The following TOMM7 variants were observed in gnomAD, a reference collection of about 807,000 sequenced individuals.
TOMM7 encodes translocase of outer mitochondrial membrane 7, also known as mitochondrial import receptor subunit TOM7 homolog.
TOMM7 carries 8 observed loss-of-function variants against 9.5 expected under a neutral mutation model. The observed-to-expected ratio is 0.84, with a 90% CI of 0.49 to 1.51. The LOEUF (loss-of-function observed/expected upper bound fraction) is 1.51. TOMM7 is among the 40% of genes most tolerant of loss of function. The pLI is 0.00. For synonymous variants in TOMM7, 27 were observed against 21.4 expected (o/e 1.26, Z -0.72); for missense variants, 74 against 63.7 (o/e 1.16, Z -0.55).
At chr7:22,815,942 T>A (rs1172411492) in intron 2 of TOMM7, among the ~76,000 whole-genome samples, 1 of 152,152 alleles carries the variant, frequency 6.6e-6, no homozygotes, top group Non-Finnish European at 1.5e-5. Flanking sequence ...AGAAGCAGAT[T>A]TCCATCCAGT....
intron 1 of TOMM7, among the ~76,000 whole-genome samples, chr7:22,820,941 T>C (rs190914418): frequency 1.3e-5 from 2 of 149,696 alleles, no homozygotes; most frequent in Admixed American, 6.6e-5. Context: ...CTTTATCTTA[T>C]ACAATGCATG....
intron 2 of TOMM7, 107 bp downstream of exon 2, chr7:22,817,893 G>T: frequency 9.2e-7 from 1 of 1,083,246 alleles, no homozygotes; most frequent in Non-Finnish European, 1.4e-6. Context: ...TATACTGACT[G>T]ATAAAGCTCC....
chr7:22,816,687 C>T (rs1242615940), intron 2 of TOMM7, among the ~76,000 whole-genome samples: 4 of 152,164 alleles, frequency 2.6e-5, no homozygotes, highest in Non-Finnish European at 2.9e-5. Context: ...TAAAAAAGAC[C>T]TTCCTCTGAA....
intron 1 of TOMM7, 66 bp from the exon 2 acceptor site, chr7:22,818,114 T>A: frequency 6.7e-7 from 1 of 1,489,964 alleles, no homozygotes. Context: ...ACATTTACAA[T>A]CAAGACTTTT....
chr7:22,816,311 T>C (rs1583462770), intron 2 of TOMM7, among the ~76,000 whole-genome samples: 1 of 152,244 alleles, frequency 6.6e-6, no homozygotes, highest in Non-Finnish European at 1.5e-5. Context: ...TTTCCAATAC[T>C]TGGAAAATGT....
chr7:22,819,406 T>C (rs540018783), intron 1 of TOMM7, among the ~76,000 whole-genome samples: 19 of 151,888 alleles, frequency 1.3e-4, no homozygotes, highest in Admixed American at 4.6e-4. Context: ...TCTCGCTCTG[T>C]CGCCAGGCTG....
At chr7:22,815,749 G>A (rs1782309327) in intron 2 of TOMM7, among the ~76,000 whole-genome samples, 2 of 152,090 alleles carry the variant, frequency 1.3e-5, no homozygotes, top group South Asian at 2.1e-4. Context: ...TCGGGAGGTC[G>A]AGGCAGGATC....
At chr7:22,820,660 C>T (rs1583464311) in intron 1 of TOMM7, among the ~76,000 whole-genome samples, 1 of 152,140 alleles carries the variant, frequency 6.6e-6, no homozygotes, top group South Asian at 2.1e-4. Flanking sequence ...CAGTGTTTGA[C>T]CAGCCAGAGT....
intron 2 of TOMM7, chr7:22,817,492 G>A: frequency 4.2e-6 from 1 of 240,248 alleles, no homozygotes; most frequent in Non-Finnish European, 8.9e-6. Context: ...ATCCTCCCAT[G>A]ATCTTCCCAC....
chr7:22,820,638 G>A lies in TOMM7; in HGVS notation c.103+2039C>T, dbSNP rs1383591256. On this transcript the variant is annotated intron_variant, in intron 1 of 2. Coordinates refer to ENST00000358435, the MANE Select transcript of TOMM7 (RefSeq NM_019059.5). The stretch of plus-strand genomic sequence containing the variant: ...CTTCCACACCTCTCTTAGCTAAAAG[G>A]GGAGCTAGTCCCAGTGTTTGACCAG... Among the ~76,000 whole-genome samples, 3 of 152,286 alleles carry A rather than the reference G, an allele frequency of 2.0e-5. No individual in the cohort carries two copies. In the East Asian group the frequency reaches 5.8e-4, roughly 29 times the overall value.
intron 1 of TOMM7, among the ~76,000 whole-genome samples, chr7:22,820,484 AG>A (rs1782371926): frequency 6.6e-6 from 1 of 152,228 alleles, no homozygotes; most frequent in South Asian, 2.1e-4. Context: ...AGGGAGGAGG[AG>A]GGAACAGTAG....
chr7:22,817,056 C>T (rs1179784963), intron 2 of TOMM7, among the ~76,000 whole-genome samples: 1 of 152,178 alleles, frequency 6.6e-6, no homozygotes, highest in African/African-American at 2.4e-5. Flanking sequence ...GGGCAACCCA[C>T]AAGAGATGTC....
chr7:22,822,617 G>A, intron 1 of TOMM7, 60 bp downstream of exon 1: 2 of 1,475,668 alleles, frequency 1.4e-6, no homozygotes, highest in Non-Finnish European at 1.9e-6. Flanking sequence ...CCAAAAATGG[G>A]GCTGCTGTCT....
intron 2 of TOMM7, among the ~76,000 whole-genome samples, chr7:22,815,636 G>A (rs1258102166): frequency 1.3e-5 from 2 of 152,162 alleles, no homozygotes; most frequent in Non-Finnish European, 2.9e-5. Context: ...AGGTGCTTAT[G>A]AGACAAAATA....
intron 1 of TOMM7, among the ~76,000 whole-genome samples, chr7:22,819,073 C>A (rs1456153818): frequency 2.6e-5 from 4 of 152,058 alleles, no homozygotes; most frequent in African/African-American, 9.7e-5. Flanking sequence ...ATTTAACAAC[C>A]TAATTAAATC....
intron 2 of TOMM7, among the ~76,000 whole-genome samples, chr7:22,813,448 G>A (rs1433186663): frequency 2.6e-5 from 4 of 152,046 alleles, no homozygotes; most frequent in African/African-American, 9.7e-5. Flanking sequence ...TCAATCAAAA[G>A]GAAAACGATT....
Position 22,822,757 on chromosome 7 carries a change from G to T in TOMM7, c.23C>A (p.Ala8Asp), listed in dbSNP as rs1212780123. The change falls in exon 1 of 3, where the codon GCC becomes GAC. Residue 8 changes from alanine to aspartate, a missense_variant. Physicochemically the swap from Ala to Asp is moderately radical, Grantham distance 126. Transcript: ENST00000358435. ...GAAGAGCTGCTGTAGTCTCTGCTTGGCCTCTTTGCTCAGCTTCACCATGGC... is the reference window on the plus strand; with the variant it reads ...GAAGAGCTGCTGTAGTCTCTGCTTGTCCTCTTTGCTCAGCTTCACCATGGC... MVKLSKE[A>D]KQRLQQLFKG... 1 of 1,614,072 alleles carries T rather than the reference G, an allele frequency of 6.2e-7. No individual in the cohort carries two copies. The highest frequency in any genetic ancestry group is 1.3e-5 in the African/African-American group (1 of 74,932).
At chr7:22,816,407 C>T (rs1215257609) in intron 2 of TOMM7, among the ~76,000 whole-genome samples, 2 of 152,218 alleles carry the variant, frequency 1.3e-5, no homozygotes, top group African/African-American at 4.8e-5. Context: ...GCCAAGGCCA[C>T]TCAACTAGTA....
chr7:22,821,060 A>T lies in TOMM7; in HGVS notation c.103+1617T>A, dbSNP rs908133500. Among the ~76,000 whole-genome samples the T allele has an allele frequency of 2.0e-5, 3 of 152,190 alleles. No individual in the cohort carries two copies. The East Asian group carries it at 5.8e-4, about 29-fold the overall frequency. ...ATATGCTCAAACTGACACAGCTGGG[A>T]TGAAAAACCTGCTCTTTCCCTTTCA... On this transcript the variant is annotated intron_variant, in intron 1 of 2. Transcript: ENST00000358435.
Sources: allele counts gnomAD v4.1 joint callset (sites outside exome capture counted in the v4.1 genomes callset), GRCh38; gene constraint gnomAD v4.1.1; transcripts MANE v1.5; gene names NCBI Gene and HGNC (gene_info 2026-07-23, HGNC 2026-07-21).